Variants in PKM observed in about 807,000 individuals in gnomAD.
PKM encodes the protein pyruvate kinase PKM.
PKM carries 18 observed loss-of-function variants against 49.8 expected under a neutral mutation model. The observed-to-expected ratio is 0.36, with a 90% confidence interval of 0.25 to 0.54. The LOEUF (loss-of-function observed/expected upper bound fraction) is 0.54, where lower values mean the gene tolerates loss of function less well. Among genes scored for constraint, PKM ranks in the 20% least tolerant of loss-of-function variants. The pLI is 0.89. For synonymous variants in PKM, 239 were observed against 261.8 expected (o/e 0.91, Z 0.84); for missense variants, 508 against 713.8 (o/e 0.71, Z 3.28).
intron 3 of PKM, among the ~76,000 whole-genome samples, chr15:72,212,205 G>A (rs545244552): frequency 1.8e-4 from 27 of 152,286 alleles, no homozygotes; most frequent in African/African-American, 6.0e-4. Context: ...GGCTGGGCGC[G>A]GTGGCTCACA....
chr15:72,206,662 C>G (rs758778351), intron 8 of PKM, 66 bp downstream of exon 8: 3 of 1,511,094 alleles, frequency 2.0e-6, no homozygotes, highest in Non-Finnish European at 2.8e-6. Context: ...AGCTCTGCAC[C>G]AGAGCTTGCA....
intron 1 of PKM, among the ~76,000 whole-genome samples, chr15:72,222,911 T>C (rs983806037): frequency 6.6e-6 from 1 of 152,152 alleles, no homozygotes; most frequent in African/African-American, 2.4e-5. Context: ...GCTCCTGGCT[T>C]TTTATATTAG....
rs756359652 is a variant in PKM at position 72,210,382 on chromosome 15, T to C, written c.343A>G (p.Lys115Glu). The change falls in exon 4 of 11, where the codon AAA becomes GAA. Residue 115 changes from lysine to glutamate, a missense_variant. Coordinates refer to ENST00000335181, the MANE Select transcript of PKM (RefSeq NM_002654.6). ...YRPVAVALDT[K>E]GPEIRTGLIK... Reference sequence around the variant, plus strand: ...AGCCCAGTTCGGATCTCAGGTCCTTTAGTGTCTAGAGCCACAGCAACGGGC... The same window carrying C: ...AGCCCAGTTCGGATCTCAGGTCCTTCAGTGTCTAGAGCCACAGCAACGGGC... 6.2e-7 allele frequency: 1 copy of C among 1,614,178 alleles called. No homozygotes were observed. Among genetic ancestry groups the C allele is most frequent in the East Asian group, 2.2e-5 (1 of 44,884 alleles).
At chr15:72,209,437 ATATG>A (rs1567113402) in intron 5 of PKM, 2 of 26,088 alleles carry the variant, frequency 7.7e-5, no homozygotes, top group Non-Finnish European at 7.0e-5. Flanking sequence ...ATATATATAT[ATATG>A]TATATATATA....
chr15:72,208,590 TGGGACTGGAGCA>T lies in PKM; in HGVS notation c.836+19_836+30del. On this transcript the variant is annotated intron_variant, in intron 6 of 10. Transcript: ENST00000335181. ...GACCATGCCCTTCGGAGAGCTGCGCTGGGACTGGAGCAGGGACAACGGGGACTTGCCTCCGAA... is the reference window on the plus strand; with the variant it reads ...GACCATGCCCTTCGGAGAGCTGCGCTGGGACAACGGGGACTTGCCTCCGAA... 6.2e-7 allele frequency: 1 copy of T among 1,613,422 alleles called. No homozygotes were observed. The highest frequency in any genetic ancestry group is 8.5e-7 in the Non-Finnish European group (1 of 1,179,330).
intron 3 of PKM, among the ~76,000 whole-genome samples, chr15:72,213,070 G>A (rs1413794361): frequency 2.6e-5 from 4 of 151,084 alleles, no homozygotes; most frequent in Non-Finnish European, 4.4e-5. Context: ...GCGAGACTCC[G>A]TCTCAGAAGA....
intron 1 of PKM, among the ~76,000 whole-genome samples, chr15:72,226,037 C>G (rs1273747447): frequency 6.6e-6 from 1 of 152,188 alleles, no homozygotes. Flanking sequence ...TGTTTTTCTG[C>G]TCATCTAATG....
chr15:72,219,431 C>T (rs1049248785), intron 1 of PKM: 3 of 226,086 alleles, frequency 1.3e-5, no homozygotes, highest in African/African-American at 6.7e-5. Flanking sequence ...TTCTCACCAC[C>T]CTATCTATAA....
In PKM at chr15:72,200,438, C is replaced by A. The variant is rs8040828; in HGVS notation, c.1489+36G>T. ...AAGCCAATGCTCAAGCATCCCCAAG[C>A]TCCTCTAGGCTCTAGCCCCTGCTCC... is the stretch of plus-strand genomic sequence containing the variant. On this transcript the variant is annotated intron_variant, in intron 10 of 10. Transcript: ENST00000335181. This position sits in a 1 kb window ranked among gnomAD's most constrained non-coding sequence, Gnocchi z 4.6. The A allele has an allele frequency of 0.71, 1,132,786 of 1,602,984 alleles. 404,619 individuals are homozygous for A. Among genetic ancestry groups the A allele is most frequent in the Non-Finnish European group, 0.73 (856,736 of 1,172,134 alleles).
chr15:72,210,289 A>T (rs1037979593), intron 4 of PKM, 58 bp downstream of exon 4: 3 of 1,589,536 alleles, frequency 1.9e-6, no homozygotes, highest in East Asian at 4.5e-5. Context: ...TTTGGAGGAC[A>T]TGTCTCTGGG....
chr15:72,231,164 G>C lies in PKM; in HGVS notation c.-62C>G, dbSNP rs1460980348. 3 of 289,244 alleles carry C rather than the reference G, an allele frequency of 1.0e-5. No homozygotes were observed. The highest frequency in any genetic ancestry group is 1.9e-4 in the East Asian group (2 of 10,494). The allele number at this position is 289,244 out of a possible 1,614,324, so 17.9% of individuals were successfully genotyped here. On this transcript the variant is annotated 5_prime_UTR_variant, in exon 1 of 11. Coordinates refer to ENST00000335181, the MANE Select transcript of PKM (RefSeq NM_002654.6). ...TACGCTGCAAAGACGAAGAGATCCG[G>C]AGCCACGGCGCGTGCAGCTGCTGTG... is the stretch of plus-strand genomic sequence containing the variant.
chr15:72,221,211 C>CTT, intron 1 of PKM: 1 of 1,535,580 alleles, frequency 6.5e-7, no homozygotes, highest in Non-Finnish European at 8.7e-7. Context: ...TAATGCTCCC[C>CTT]TTTTGGCTCA....
intron 6 of PKM, among the ~76,000 whole-genome samples, chr15:72,208,118 T>C (rs1223231284): frequency 1.3e-5 from 2 of 152,176 alleles, no homozygotes; most frequent in Non-Finnish European, 2.9e-5. Context: ...AGAGTTAGCA[T>C]GATCACTGAG....
rs1448846795 is a variant in PKM at position 72,199,336 on chromosome 15, C to A, written c.*314G>T. 1 of 527,842 alleles carries A rather than the reference C, an allele frequency of 1.9e-6. No homozygotes were observed. Among genetic ancestry groups the A allele is most frequent in the Non-Finnish European group, 3.6e-6 (1 of 280,854 alleles). The allele number at this position is 527,842 out of a possible 1,614,324, so 32.7% of individuals were successfully genotyped here. On this transcript the variant is annotated 3_prime_UTR_variant, in exon 11 of 11. Coordinates refer to ENST00000335181, the MANE Select transcript of PKM (RefSeq NM_002654.6). ...TGGGCATCCATTTTTTCTAAAGGAACTGGACAGAGTACACACAGGAAAGGA... is the reference window on the plus strand; with the variant it reads ...TGGGCATCCATTTTTTCTAAAGGAAATGGACAGAGTACACACAGGAAAGGA...
Position 72,202,195 on chromosome 15 carries a change from C to T in PKM, c.1307+259G>A. Reference sequence around the variant, plus strand: ...AATAACCATTTGTAGTCAGCCTGTGCACTGTTATGTAATAAATCTCCAGCA... The same window carrying T: ...AATAACCATTTGTAGTCAGCCTGTGTACTGTTATGTAATAAATCTCCAGCA... On this transcript the variant is annotated intron_variant, in intron 9 of 10. Transcript: ENST00000335181. The surrounding 1 kb of genome is among the most constrained non-coding windows in gnomAD (Gnocchi z 4.5). 3 of 551,318 alleles carry T rather than the reference C, an allele frequency of 5.4e-6. No homozygotes were observed. Among genetic ancestry groups the T allele is most frequent in the Middle Eastern group, 4.9e-4 (1 of 2,052 alleles). The allele number at this position is 551,318 out of a possible 1,614,324, so 34.2% of individuals were successfully genotyped here. A position where few individuals can be genotyped will look rare whatever the true frequency, so the allele number is the denominator to read the frequency against.
chr15:72,208,168 T>G (rs1462667581), intron 6 of PKM, among the ~76,000 whole-genome samples: 8 of 152,110 alleles, frequency 5.3e-5, no homozygotes, highest in Non-Finnish European at 1.2e-4. Context: ...GCCATAAGCT[T>G]TAACATGGAC....
chr15:72,228,376 CTTT>C (rs10656443), intron 1 of PKM, among the ~76,000 whole-genome samples: 1 of 118,848 alleles, frequency 8.4e-6, no homozygotes. Context: ...TTAGTTGTGG[CTTT>C]TTTTTTTTTT....
chr15:72,231,082 G>A (rs2082854703), intron 1 of PKM, 34 bp downstream of exon 1: 1 of 544,764 alleles, frequency 1.8e-6, no homozygotes, highest in South Asian at 1.6e-5. Context: ...GGCCCTTGGT[G>A]GGGACTGATG....
chr15:72,231,011 C>T, intron 1 of PKM, 105 bp downstream of exon 1: 2 of 1,245,980 alleles, frequency 1.6e-6, no homozygotes, highest in Non-Finnish European at 2.1e-6. Flanking sequence ...GATCCTGCGC[C>T]GCCCTGCCTG....
Sources: allele counts gnomAD v4.1 joint callset (sites outside exome capture counted in the v4.1 genomes callset), GRCh38; gene constraint gnomAD v4.1.1; non-coding constraint Gnocchi (gnomAD v3.1); transcripts MANE v1.5; gene names NCBI Gene and HGNC (gene_info 2026-07-23, HGNC 2026-07-21).